DCC: variants seen among roughly 807,000 people sequenced by gnomAD.
The protein encoded by DCC is DCC netrin 1 receptor.
In DCC, 58 loss-of-function variants were observed where a neutral mutation model predicts 172.5. That is an observed-to-expected ratio of 0.34 (90% CI 0.27 to 0.42). The LOEUF (loss-of-function observed/expected upper bound fraction) is 0.42. Among genes scored for constraint, DCC ranks in the 10% least tolerant of loss-of-function variants. The pLI is 1.00. For synonymous variants in DCC, 709 were observed against 644.5 expected (o/e 1.10, Z -1.52); for missense variants, 1,740 against 1,791.0 (o/e 0.97, Z 0.51).
rs550988113 is a variant in DCC at position 52,609,067 on chromosome 18, T to C, written c.92-142987T>C. ...AAATGTGAATCCAGGCTCACACAGA[T>C]TGAGACATATTACTTGTAAATGTAA... On this transcript the variant is annotated intron_variant, in intron 1 of 28. Transcript: ENST00000442544. Among the ~76,000 whole-genome samples, 279 of 152,300 alleles carry C rather than the reference T, an allele frequency of 1.8e-3. 1 individual carries two copies. Among genetic ancestry groups the C allele is most frequent in the African/African-American group, 6.5e-3 (271 of 41,564 alleles).
chr18:53,280,120 G>C (rs752145866), intron 12 of DCC, among the ~76,000 whole-genome samples: 23 of 152,206 alleles, frequency 1.5e-4, no homozygotes, highest in Middle Eastern at 3.4e-3. Flanking sequence ...CTAGGCTTCT[G>C]TTGAAGCCTA....
chr18:53,303,369 CT>C (rs2144777975), intron 12 of DCC, among the ~76,000 whole-genome samples: 2 of 152,176 alleles, frequency 1.3e-5, no homozygotes, highest in Non-Finnish European at 2.9e-5. Context: ...GGATTTCATT[CT>C]TTGCATTACT....
At chr18:53,287,192 A>G (rs1186697112) in intron 12 of DCC, among the ~76,000 whole-genome samples, 1 of 152,156 alleles carries the variant, frequency 6.6e-6, no homozygotes, top group Non-Finnish European at 1.5e-5. Flanking sequence ...CTGTCTTTGT[A>G]TATTTGCCTA....
At chr18:52,995,248 A>C (rs2041459398) in intron 5 of DCC, among the ~76,000 whole-genome samples, 1 of 152,084 alleles carries the variant, frequency 6.6e-6, no homozygotes, top group Non-Finnish European at 1.5e-5. Context: ...ACAGCCGAAA[A>C]TTCCTTAGTG....
intron 1 of DCC, among the ~76,000 whole-genome samples, chr18:52,684,524 A>G (rs79843242): frequency 0.054 from 8,288 of 152,114 alleles, 359 homozygotes; most frequent in African/African-American, 0.12. Context: ...CACTCTCTGC[A>G]GTCCTGGGAT....
At chr18:53,093,497 C>T (rs549081827) in intron 7 of DCC, among the ~76,000 whole-genome samples, 1 of 152,144 alleles carries the variant, frequency 6.6e-6, no homozygotes, top group South Asian at 2.1e-4. Flanking sequence ...CATTTGAGCT[C>T]ATGACATGTT....
intron 3 of DCC, among the ~76,000 whole-genome samples, chr18:52,921,655 C>G (rs559845424): frequency 4.0e-5 from 6 of 151,222 alleles, no homozygotes; most frequent in Admixed American, 4.0e-4. Flanking sequence ...GCTGAGATGG[C>G]GCCACTGCAC....
intron 5 of DCC, among the ~76,000 whole-genome samples, chr18:52,950,638 A>G (rs1027136491): frequency 1.3e-5 from 2 of 152,134 alleles, no homozygotes; most frequent in Non-Finnish European, 2.9e-5. Context: ...TCAAGACTGA[A>G]TATAGGCTGG....
chr18:53,215,904 A>G (rs552827210), intron 12 of DCC, among the ~76,000 whole-genome samples: 183 of 152,328 alleles, frequency 1.2e-3, no homozygotes, highest in African/African-American at 3.7e-3. Context: ...TGCTTCGTCT[A>G]TATTCACCAG....
chr18:53,328,175 A>G (rs1022507785), intron 14 of DCC, among the ~76,000 whole-genome samples: 3 of 152,200 alleles, frequency 2.0e-5, no homozygotes, highest in African/African-American at 4.8e-5. Context: ...AGTTCAGTGA[A>G]GTTGCAAGTA....
At chr18:53,349,931 G>A (rs992653412) in intron 15 of DCC, among the ~76,000 whole-genome samples, 1 of 152,158 alleles carries the variant, frequency 6.6e-6, no homozygotes, top group Non-Finnish European at 1.5e-5. Context: ...TCTCACTAAA[G>A]TTGAACTTCT....
At chr18:53,363,087 C>T (rs2057965259) in intron 15 of DCC, among the ~76,000 whole-genome samples, 1 of 152,154 alleles carries the variant, frequency 6.6e-6, no homozygotes, top group Non-Finnish European at 1.5e-5. Flanking sequence ...GTTTAAGGGA[C>T]TTGTACCAAA....
intron 1 of DCC, among the ~76,000 whole-genome samples, chr18:52,631,122 G>A (rs1196947197): frequency 6.6e-6 from 1 of 152,110 alleles, no homozygotes; most frequent in Non-Finnish European, 1.5e-5. Context: ...GAGCAAGTGA[G>A]CATTATACTT....
chr18:52,613,939 T>C (rs757875654), intron 1 of DCC, among the ~76,000 whole-genome samples: 3 of 152,142 alleles, frequency 2.0e-5, no homozygotes, highest in Non-Finnish European at 2.9e-5. Flanking sequence ...TAGAATAGAG[T>C]TAGAATTCCA....
chr18:52,380,766 G>A (rs1273765237), intron 1 of DCC, among the ~76,000 whole-genome samples: 1 of 152,044 alleles, frequency 6.6e-6, no homozygotes, highest in Non-Finnish European at 1.5e-5. Flanking sequence ...AATCAATTAC[G>A]TACATAGCTT....
intron 15 of DCC, among the ~76,000 whole-genome samples, chr18:53,367,124 AAT>A (rs1327159828): frequency 6.6e-6 from 1 of 152,222 alleles, no homozygotes; most frequent in African/African-American, 2.4e-5. Context: ...ATCATTGAAA[AAT>A]ATGTTTTAAC....
intron 2 of DCC, among the ~76,000 whole-genome samples, chr18:52,855,462 T>C (rs2039037152): frequency 6.6e-6 from 1 of 152,358 alleles, no homozygotes; most frequent in Non-Finnish European, 1.5e-5. Context: ...TAATGCCGTA[T>C]TTTGTCGATA....
intron 1 of DCC, among the ~76,000 whole-genome samples, chr18:52,505,799 A>G (rs1168730270): frequency 6.6e-6 from 1 of 152,222 alleles, no homozygotes; most frequent in Non-Finnish European, 1.5e-5. Context: ...AATTAGAAGA[A>G]TGGCTGCCCC....
intron 1 of DCC, among the ~76,000 whole-genome samples, chr18:52,660,584 C>A (rs2035341002): frequency 6.6e-6 from 1 of 152,148 alleles, no homozygotes; most frequent in Non-Finnish European, 1.5e-5. Flanking sequence ...AGACTGCAGT[C>A]ACAAACTAAA....
Sources: gnomAD v4.1 joint callset for allele counts (sites outside exome capture counted in the v4.1 genomes callset) on GRCh38, gnomAD v4.1.1 for gene constraint, MANE v1.5 for transcripts, NCBI Gene and HGNC (gene_info 2026-07-23, HGNC 2026-07-21) for gene names.